MGRN1: variants seen among roughly 807,000 people sequenced by gnomAD.
The protein encoded by MGRN1 is mahogunin ring finger 1, also known as E3 ubiquitin-protein ligase MGRN1.
A neutral mutation model predicts 69.2 loss-of-function variants in MGRN1; 29 were observed. That is an observed-to-expected ratio of 0.42 (90% CI 0.31 to 0.57). The LOEUF is 0.57. Ranked by LOEUF, MGRN1 falls within the 20% of genes least tolerant of loss-of-function variation. The pLI is 0.15. For missense variants in MGRN1, 998 were observed against 796.2 expected (o/e 1.25, Z -3.05); for synonymous variants, 470 against 344.2 (o/e 1.37, Z -4.04).
chr16:4,659,549 C>T (rs1241746013), intron 5 of MGRN1, among the ~76,000 whole-genome samples: 2 of 152,220 alleles, frequency 1.3e-5, no homozygotes, highest in Non-Finnish European at 2.9e-5. Context: ...GTTGTCCTTA[C>T]CTCTGTCCCG....
chr16:4,625,712 C>G (rs774970715), intron 1 of MGRN1, among the ~76,000 whole-genome samples: 1 of 152,204 alleles, frequency 6.6e-6, no homozygotes, highest in Non-Finnish European at 1.5e-5. Context: ...TAGTTGGGAC[C>G]GGGACCAGCT....
rs146095915 is a variant in MGRN1 at position 4,684,419 on chromosome 16, G to A, written c.1618+487G>A. On this transcript the variant is annotated intron_variant, in intron 16 of 16. Transcript: ENST00000262370. ...GACAGAGCAGGAGCAGGTACCACAC[G>A]CTGTGCTGGGTAGCGGGGGCCCTGG... 7.9e-5 allele frequency among the ~76,000 whole-genome samples: 12 copies of A among 152,332 alleles called. No individual in the cohort carries two copies. In the South Asian group the frequency reaches 2.3e-3, roughly 29 times the overall value.
At chr16:4,639,548 G>C (rs186215838) in intron 1 of MGRN1, among the ~76,000 whole-genome samples, 37 of 152,334 alleles carry the variant, frequency 2.4e-4, no homozygotes, top group African/African-American at 8.9e-4. Context: ...AGGCAGGACA[G>C]TTGTCTCCAA....
intron 5 of MGRN1, among the ~76,000 whole-genome samples, chr16:4,661,454 C>A (rs1194333160): frequency 6.6e-6 from 1 of 152,266 alleles, no homozygotes; most frequent in Non-Finnish European, 1.5e-5. Flanking sequence ...CTGGTGTTGA[C>A]TGTGTGTTCT....
rs767362180 is a variant in MGRN1 at position 4,688,836 on chromosome 16, C to G, written c.1659C>G (p.Thr553=). 4.5e-6 allele frequency: 7 copies of G among 1,554,062 alleles called. No homozygotes were observed. The highest frequency in any genetic ancestry group is 6.1e-6 in the Non-Finnish European group (7 of 1,148,540). The change falls in exon 17 of 17, where the codon ACC becomes ACG. Residue 553 remains threonine (T), a synonymous_variant. Coordinates refer to ENST00000262370, the MANE Select transcript of MGRN1 (RefSeq NM_015246.4). ...TSMETAHGLA[T]TSPTWPPLGG... is the part of the protein sequence containing the mutation. Reference sequence around the variant, plus strand: ...TGGAGACGGCCCACGGCCTCGCCACCACCAGCCCCACCTGGCCTCCACTTG... The same window carrying G: ...TGGAGACGGCCCACGGCCTCGCCACGACCAGCCCCACCTGGCCTCCACTTG...
chr16:4,664,007 T>C (rs1358327887), intron 5 of MGRN1: 1 of 152,518 alleles, frequency 6.6e-6, no homozygotes, highest in Non-Finnish European at 1.5e-5. Flanking sequence ...AGTTGCCCAG[T>C]GACCAGCACT....
intron 16 of MGRN1, chr16:4,688,466 C>T (rs1296761888): frequency 6.3e-6 from 7 of 1,119,980 alleles, no homozygotes; most frequent in South Asian, 7.7e-5. Flanking sequence ...TGGCCACATC[C>T]CAGGAAACCG....
intron 1 of MGRN1, among the ~76,000 whole-genome samples, chr16:4,647,077 C>A (rs923321539): frequency 6.6e-6 from 1 of 152,246 alleles, no homozygotes; most frequent in Non-Finnish European, 1.5e-5. Context: ...CTGGGCTGGT[C>A]AGCAGGGTCA....
intron 1 of MGRN1, among the ~76,000 whole-genome samples, chr16:4,642,619 C>T (rs1256143950): frequency 2.0e-5 from 3 of 151,598 alleles, no homozygotes; most frequent in Admixed American, 6.6e-5. Context: ...CCACCGCACC[C>T]GGCCCTAATT....
intron 3 of MGRN1, among the ~76,000 whole-genome samples, 191 bp downstream of exon 3, chr16:4,652,242 G>C (rs2078425302): frequency 6.6e-6 from 1 of 152,140 alleles, no homozygotes; most frequent in African/African-American, 2.4e-5. Flanking sequence ...GTTTAGCCAG[G>C]GCTTCTCAGC....
chr16:4,688,193 C>T, intron 16 of MGRN1: 2 of 985,590 alleles, frequency 2.0e-6, no homozygotes, highest in Non-Finnish European at 2.4e-6. Flanking sequence ...CATGCTGGCC[C>T]CGTCCCAGGC....
chr16:4,675,704 C>T (rs890736198), intron 10 of MGRN1, among the ~76,000 whole-genome samples: 10 of 150,190 alleles, frequency 6.7e-5, no homozygotes, highest in East Asian at 5.9e-4. Flanking sequence ...ACTGCACCCC[C>T]GCCTGAGAGA....
Position 4,664,743 on chromosome 16 carries a change from T to G in MGRN1, c.596T>G (p.Val199Gly). The change falls in exon 6 of 17, where the codon GTA becomes GGA. Residue 199 changes from valine to glycine, a missense_variant. Physicochemically the swap from Val to Gly is moderately radical, Grantham distance 109. Transcript: ENST00000262370. ...GACCTGGACCGGGGCGTGTTTCCAG[T>G]AGTCATCCAGGCTGTGGTGGACGAA... ...NFDLDRGVFPVVIQAVVDEGD... is the reference protein window; with the variant it reads ...NFDLDRGVFPGVIQAVVDEGD... The G allele has an allele frequency of 6.2e-7, 1 of 1,614,192 alleles. No individual in the cohort carries two copies. Among genetic ancestry groups the G allele is most frequent in the Non-Finnish European group, 8.5e-7 (1 of 1,180,030 alleles).
At chr16:4,631,824 T>C (rs1417850810) in intron 1 of MGRN1, among the ~76,000 whole-genome samples, 2 of 152,132 alleles carry the variant, frequency 1.3e-5, no homozygotes, top group African/African-American at 4.8e-5. Context: ...GTGGTGAGAA[T>C]TGCTGTCTTT....
chr16:4,670,938 A>G (rs943381163), intron 8 of MGRN1, among the ~76,000 whole-genome samples: 2 of 152,244 alleles, frequency 1.3e-5, no homozygotes, highest in Non-Finnish European at 2.9e-5. Context: ...GTGGCAGGAC[A>G]GAATCAGCTT....
chr16:4,652,997 T>C (rs1334335810), intron 4 of MGRN1, among the ~76,000 whole-genome samples, 173 bp downstream of exon 4: 2 of 152,122 alleles, frequency 1.3e-5, no homozygotes, highest in Non-Finnish European at 2.9e-5. Context: ...CTCCCCACTT[T>C]TCTGCGGGAA....
In MGRN1 at chr16:4,638,840, C is replaced by T. The variant is rs149877601; in HGVS notation, c.89-11525C>T. The stretch of plus-strand genomic sequence containing the variant: ...CCTCGTGGCCTTCCCACTCCCCCTT[C>T]CTCGGGTGGGAACGATGGCTGAGGC... On this transcript the variant is annotated intron_variant, in intron 1 of 16. Coordinates refer to ENST00000262370, the MANE Select transcript of MGRN1 (RefSeq NM_015246.4). Among the ~76,000 whole-genome samples, 1,291 of 152,328 alleles carry T rather than the reference C, an allele frequency of 8.5e-3. 8 individuals are homozygous for T. Among genetic ancestry groups the T allele is most frequent in the Non-Finnish European group, 0.013 (871 of 68,028 alleles).
intron 1 of MGRN1, among the ~76,000 whole-genome samples, chr16:4,637,570 G>A (rs2141839642): frequency 6.6e-6 from 1 of 152,384 alleles, no homozygotes; most frequent in African/African-American, 2.4e-5. Flanking sequence ...GCCCAGGCAA[G>A]AAATGGAGTG....
At chr16:4,651,878 G>A in intron 2 of MGRN1, 85 bp from the exon 3 acceptor site, 6 of 1,188,990 alleles carry the variant, frequency 5.0e-6, no homozygotes, top group Non-Finnish European at 7.6e-6. Context: ...TACCCTCTGG[G>A]GCTGTGGCTG....
Sources: allele counts gnomAD v4.1 joint callset (sites outside exome capture counted in the v4.1 genomes callset), GRCh38; gene constraint gnomAD v4.1.1; transcripts MANE v1.5; gene names NCBI Gene and HGNC (gene_info 2026-07-23, HGNC 2026-07-21).